Variants in ALDH4A1 observed in about 807,000 individuals in gnomAD.
The protein encoded by ALDH4A1 is aldehyde dehydrogenase 4 family member A1, also known as delta-1-pyrroline-5-carboxylate dehydrogenase, mitochondrial.
Under a neutral mutation model 70.5 loss-of-function variants are expected in ALDH4A1, and 46 were observed. The ratio of observed to expected loss-of-function variants is 0.65; its 90% confidence interval spans 0.51 to 0.83. The LOEUF is 0.83. ALDH4A1 is among the 40% of genes least tolerant of loss of function. The pLI, the probability that ALDH4A1 is intolerant of heterozygous loss-of-function variation, is 0.00. For missense variants in ALDH4A1, 749 were observed against 766.5 expected (o/e 0.98, Z 0.27); for synonymous variants, 323 against 324.3 (o/e 1.00, Z 0.04).
intron 3 of ALDH4A1, 120 bp downstream of exon 3, chr1:18,889,242 G>C (rs1935338203): frequency 1.1e-6 from 1 of 884,528 alleles, no homozygotes; most frequent in Non-Finnish European, 1.8e-6. Flanking sequence ...ATCTGGGGTG[G>C]GGAGGGGCAC....
At position 18,883,288 on chromosome 1, in the gene ALDH4A1, C is replaced by A; in HGVS notation, c.594G>T (p.Arg198=). The A allele has an allele frequency of 6.2e-7, 1 of 1,613,266 alleles. No individual in the cohort carries two copies. The highest frequency in any genetic ancestry group is 8.5e-7 in the Non-Finnish European group (1 of 1,180,040). ...TGCCTCCTGCAGGTACCTCCAGACC[C>A]CGGTACACCGTGCTGTTGGTGCTCG... The part of the protein sequence containing the change: ...VPPSTNSTVY[R]GLEGFVAAIS... The change falls in exon 6 of 15, where the codon CGG becomes CGT. Residue 198 remains arginine (R), a synonymous_variant. Coordinates refer to ENST00000375341, the MANE Select transcript of ALDH4A1 (RefSeq NM_003748.4).
At chr1:18,883,523 C>A (rs373456414) in intron 5 of ALDH4A1, 95 bp from the exon 6 acceptor site, 1 of 1,561,218 alleles carries the variant, frequency 6.4e-7, no homozygotes, top group East Asian at 2.3e-5. Flanking sequence ...AGCACTGAGC[C>A]GGGCCCCAGG....
chr1:18,877,178 A>G, intron 11 of ALDH4A1, 30 bp downstream of exon 11: 3 of 1,601,736 alleles, frequency 1.9e-6, no homozygotes, highest in Non-Finnish European at 8.5e-7. Context: ...GCTTGCCCCC[A>G]CCCAGGAACG....
At chr1:18,893,688 G>C (rs1300292565) in intron 1 of ALDH4A1, among the ~76,000 whole-genome samples, 1 of 152,130 alleles carries the variant, frequency 6.6e-6, no homozygotes, top group African/African-American at 2.4e-5. Flanking sequence ...ATTTTTAGTA[G>C]AGATGGGGTT....
At chr1:18,894,563 G>C (rs1202353705) in intron 1 of ALDH4A1, among the ~76,000 whole-genome samples, 1 of 152,184 alleles carries the variant, frequency 6.6e-6, no homozygotes, top group Non-Finnish European at 1.5e-5. Flanking sequence ...AATAAATGTA[G>C]TAGCGGCCAG....
At chr1:18,893,370 T>C (rs1231590260) in intron 1 of ALDH4A1, among the ~76,000 whole-genome samples, 2 of 152,218 alleles carry the variant, frequency 1.3e-5, no homozygotes, top group African/African-American at 4.8e-5. Context: ...ATATGGGACC[T>C]GAGTCATGCC....
intron 1 of ALDH4A1, among the ~76,000 whole-genome samples, chr1:18,900,432 T>C (rs897528687): frequency 6.6e-6 from 1 of 152,242 alleles, no homozygotes; most frequent in Non-Finnish European, 1.5e-5. Context: ...TCTAGAGCAC[T>C]GGCTCTCAAC....
In ALDH4A1 at chr1:18,877,632, G is replaced by A; in HGVS notation, c.941-20C>T. On this transcript the variant is annotated intron_variant, in intron 9 of 14. Coordinates refer to ENST00000375341, the MANE Select transcript of ALDH4A1 (RefSeq NM_003748.4). Reference sequence around the variant, plus strand: ...CGCACTCTACAGGGGTCGGGGGTGGGGAAATGACCAGAGGAGCTGGCTCCC... The same window carrying A: ...CGCACTCTACAGGGGTCGGGGGTGGAGAAATGACCAGAGGAGCTGGCTCCC... 10 of 675,492 alleles carry A rather than the reference G, an allele frequency of 1.5e-5. No homozygotes were observed. Among genetic ancestry groups the A allele is most frequent in the Admixed American group, 1.9e-5 (1 of 51,634 alleles). 41.8% of individuals were successfully genotyped at this position (675,492 alleles called of 1,614,324 possible). A position where few individuals can be genotyped will look rare whatever the true frequency, so the allele number is the denominator to read the frequency against.
At position 18,872,687 on chromosome 1, in the gene ALDH4A1, G is replaced by A. The variant is rs1419406813; in HGVS notation, c.*158C>T. 8 of 629,318 alleles carry A rather than the reference G, an allele frequency of 1.3e-5. No homozygotes were observed. In the East Asian group the frequency reaches 2.2e-4, roughly 17 times the overall value. 39.0% of individuals were successfully genotyped at this position (629,318 alleles called of 1,614,324 possible). ...GATCTCAAACCAGAGCCTGAGGCAT[G>A]GGAGAGGCCAGAATACAGTGGTAAG... On this transcript the variant is annotated 3_prime_UTR_variant, in exon 15 of 15. Transcript: ENST00000375341.
At chr1:18,895,574 G>A (rs2100607597) in intron 1 of ALDH4A1, among the ~76,000 whole-genome samples, 1 of 152,246 alleles carries the variant, frequency 6.6e-6, no homozygotes, top group African/African-American at 2.4e-5. Context: ...CAAAGGACAT[G>A]CACCATTTCA....
intron 5 of ALDH4A1, among the ~76,000 whole-genome samples, chr1:18,884,491 G>A (rs947184936): frequency 6.6e-6 from 1 of 151,964 alleles, no homozygotes; most frequent in African/African-American, 2.4e-5. Context: ...CCTGTCCCCC[G>A]CACACTCTGC....
intron 1 of ALDH4A1, among the ~76,000 whole-genome samples, chr1:18,896,311 A>G (rs1935613418): frequency 6.6e-6 from 1 of 152,094 alleles, no homozygotes. Context: ...TCAATGCATG[A>G]GTGTCAGAGC....
At chr1:18,886,745 A>G (rs890646632) in intron 3 of ALDH4A1, among the ~76,000 whole-genome samples, 1 of 152,164 alleles carries the variant, frequency 6.6e-6, no homozygotes, top group African/African-American at 2.4e-5. Context: ...CAGAAGGCTC[A>G]GAGTCCAGGA....
intron 14 of ALDH4A1, among the ~76,000 whole-genome samples, chr1:18,873,498 C>G (rs1934535442): frequency 6.6e-6 from 1 of 152,120 alleles, no homozygotes; most frequent in Non-Finnish European, 1.5e-5. Flanking sequence ...AACCTTCAGC[C>G]CCAGGGAGGG....
chr1:18,873,644 A>G (rs976779085), intron 14 of ALDH4A1, among the ~76,000 whole-genome samples: 2 of 152,174 alleles, frequency 1.3e-5, no homozygotes, highest in Non-Finnish European at 2.9e-5. Context: ...CCACATGCCA[A>G]GGGGGTGGCA....
At position 18,872,333 on chromosome 1, in the gene ALDH4A1, G is replaced by C. The variant is rs1458475279; in HGVS notation, c.*512C>G. 6.5e-6 allele frequency: 1 copy of C among 154,352 alleles called. No individual in the cohort carries two copies. Among genetic ancestry groups the C allele is most frequent in the African/African-American group, 2.4e-5 (1 of 41,480 alleles). 9.6% of individuals were successfully genotyped at this position (154,352 alleles called of 1,614,324 possible). A position where few individuals can be genotyped will look rare whatever the true frequency, so the allele number is the denominator to read the frequency against. On this transcript the variant is annotated 3_prime_UTR_variant, in exon 15 of 15. Transcript: ENST00000375341. ...CCAGGTGGGTCTGGGCAAAGATACAGTGAGGAAGGTAGACAGCCCAGACCA... is the reference window on the plus strand; with the variant it reads ...CCAGGTGGGTCTGGGCAAAGATACACTGAGGAAGGTAGACAGCCCAGACCA...
chr1:18,885,077 G>A (rs1243071113), intron 5 of ALDH4A1, among the ~76,000 whole-genome samples: 2 of 152,120 alleles, frequency 1.3e-5, no homozygotes, highest in Non-Finnish European at 2.9e-5. Flanking sequence ...GTGGTGGAGA[G>A]GTCTGGGTGG....
At chr1:18,875,295 T>C in intron 13 of ALDH4A1, 87 bp downstream of exon 13, 1 of 1,603,804 alleles carries the variant, frequency 6.2e-7, no homozygotes. Context: ...GCAGCATTAT[T>C]ACTGGGAACC....
chr1:18,875,093 C>T (rs1201830186), intron 13 of ALDH4A1, among the ~76,000 whole-genome samples: 1 of 152,252 alleles, frequency 6.6e-6, no homozygotes, highest in Non-Finnish European at 1.5e-5. Flanking sequence ...GGGGCAACAC[C>T]AGATCCCGCA....
Sources: allele counts gnomAD v4.1 joint callset (sites outside exome capture counted in the v4.1 genomes callset), GRCh38; gene constraint gnomAD v4.1.1; transcripts MANE v1.5; gene names NCBI Gene and HGNC (gene_info 2026-07-23, HGNC 2026-07-21).